The following PLSCR1 variants were observed in gnomAD, a reference collection of about 807,000 sequenced individuals.
PLSCR1 encodes phospholipid scramblase 1.
PLSCR1 carries 17 observed loss-of-function variants against 37.8 expected under a neutral mutation model. The observed-to-expected ratio is 0.45, with a 90% CI of 0.31 to 0.68. The LOEUF (loss-of-function observed/expected upper bound fraction) is 0.68, where lower values mean the gene tolerates loss of function less well. Among genes scored for constraint, PLSCR1 ranks in the 30% least tolerant of loss-of-function variants. The pLI is 0.06. For synonymous variants in PLSCR1, 116 were observed against 125.9 expected, an observed-to-expected ratio of 0.92 and a Z score of 0.53; for missense variants, 347 against 380.9, an observed-to-expected ratio of 0.91 and a Z score of 0.74.
rs79070150 is a variant in PLSCR1, at chr3:146,535,227, T to A, written c.13+1313A>T. Among the ~76,000 whole-genome samples, 1,031 of 152,000 alleles carry A rather than the reference T, an allele frequency of 6.8e-3. 9 individuals carry two copies. The highest frequency in any genetic ancestry group is 0.024 in the African/African-American group (980 of 41,490). ...TGTGATACCTCTTAATAAGCAACAT[T>A]GTTTGAATACTATAACATAGAACAC... On this transcript the variant is annotated intron_variant, in intron 2 of 8. Transcript: ENST00000342435.
chr3:146,521,838 G>C lies in PLSCR1; in HGVS notation c.571C>G (p.Gln191Glu). 6.2e-7 allele frequency: 1 copy of C among 1,611,304 alleles called. No homozygotes were observed. ...CSSCCCPCCL[Q>E]EIEIQAPPGV... is the part of the protein sequence containing the mutation. ...CCTGGTAATTGATCACAGACCTCCTGAAGGCAGCAGGGACAACAACAGCTG... is the reference window on the plus strand; with the variant it reads ...CCTGGTAATTGATCACAGACCTCCTCAAGGCAGCAGGGACAACAACAGCTG... Residue 191 changes from glutamine to glutamate, a missense_variant, in exon 6 of 9, where the codon CAG (glutamine) becomes GAG (glutamate). Coordinates refer to ENST00000342435, the MANE Select transcript of PLSCR1 (RefSeq NM_021105.3).
At chr3:146,528,564 C>A in intron 4 of PLSCR1, 50 bp downstream of exon 4, 1 of 1,442,418 alleles carries the variant, frequency 6.9e-7, no homozygotes, top group Non-Finnish European at 9.8e-7. Flanking sequence ...GTTAAGCAAG[C>A]TGGAAGCACA....
chr3:146,533,485 G>T lies in PLSCR1; in HGVS notation c.79C>A (p.Pro27Thr). Residue 27 changes from proline (P) to threonine (T), a missense_variant, in exon 3 of 9, where the codon CCG becomes ACG. Physicochemically the swap from Pro to Thr is conservative, Grantham distance 38. Coordinates refer to ENST00000342435, the MANE Select transcript of PLSCR1 (RefSeq NM_021105.3). ...ACTGCTTTACCTTGGAATGCTGTCGGTGGATACTGAGGAGGATACCCAACT... is the reference window on the plus strand; with the variant it reads ...ACTGCTTTACCTTGGAATGCTGTCGTTGGATACTGAGGAGGATACCCAACT... ...LPVGYPPQYPPTAFQGPPGYS... is the reference protein window; with the variant it reads ...LPVGYPPQYPTTAFQGPPGYS... The T allele has an allele frequency of 6.3e-7, 1 of 1,597,574 alleles. No individual in the cohort carries two copies. The highest frequency in any genetic ancestry group is 8.6e-7 in the Non-Finnish European group (1 of 1,167,498).
chr3:146,539,658 C>T (rs1456499792), intron 1 of PLSCR1, among the ~76,000 whole-genome samples: 1 of 152,180 alleles, frequency 6.6e-6, no homozygotes, highest in Non-Finnish European at 1.5e-5. Context: ...CATATTTGCT[C>T]TTTTTCTTCC....
intron 3 of PLSCR1, among the ~76,000 whole-genome samples, chr3:146,529,670 G>A (rs534777135): frequency 9.2e-5 from 14 of 151,920 alleles, no homozygotes; most frequent in African/African-American, 2.7e-4. Context: ...CCACCACCAC[G>A]CCCAGCTAAT....
At chr3:146,544,032 C>T (rs2044371756) in intron 1 of PLSCR1, among the ~76,000 whole-genome samples, 1 of 152,152 alleles carries the variant, frequency 6.6e-6, no homozygotes, top group Non-Finnish European at 1.5e-5. Flanking sequence ...GCTGTATTAA[C>T]CATTCCTTCT....
chr3:146,533,162 A>G (rs1007731380), intron 3 of PLSCR1, among the ~76,000 whole-genome samples: 1 of 152,190 alleles, frequency 6.6e-6, no homozygotes, highest in Non-Finnish European at 1.5e-5. Flanking sequence ...TAACATTTGT[A>G]TTTTAGGATG....
chr3:146,541,485 T>G (rs2044337757), intron 1 of PLSCR1, among the ~76,000 whole-genome samples: 1 of 152,184 alleles, frequency 6.6e-6, no homozygotes, highest in South Asian at 2.1e-4. Flanking sequence ...GAAATAAAAG[T>G]GATTTTAATA....
chr3:146,530,091 A>G (rs867272027), intron 3 of PLSCR1, among the ~76,000 whole-genome samples: 2 of 152,230 alleles, frequency 1.3e-5, no homozygotes, highest in African/African-American at 2.4e-5. Context: ...TGTGATTACA[A>G]TGAAGATTTA....
intron 1 of PLSCR1, among the ~76,000 whole-genome samples, chr3:146,537,768 G>A (rs535584921): frequency 3.9e-5 from 6 of 152,266 alleles, no homozygotes; most frequent in African/African-American, 1.4e-4. Context: ...TACTCGGGAG[G>A]TTGAGGTGGG....
chr3:146,517,084 A>C lies in PLSCR1; in HGVS notation c.822T>G (p.Ala274=). Residue 274 remains alanine, a synonymous_variant, in exon 8 of 9, where the codon GCT becomes GCG. Coordinates refer to ENST00000342435, the MANE Select transcript of PLSCR1 (RefSeq NM_021105.3). ...TGILREAFTD[A]DNFGIQFPLD... ...AAGGGAACTGGATTCCAAAGTTATC[A>C]GCGTCTGTAAATGCCTCTCTCAAAA... is the stretch of plus-strand genomic sequence containing the variant. The C allele has an allele frequency of 6.2e-7, 1 of 1,603,792 alleles. No individual in the cohort carries two copies. The highest frequency in any genetic ancestry group is 8.5e-7 in the Non-Finnish European group (1 of 1,173,604).
chr3:146,516,760 C>T, intron 8 of PLSCR1: 1 of 313,016 alleles, frequency 3.2e-6, no homozygotes, highest in South Asian at 6.8e-5. Context: ...AAAATCTCTC[C>T]TTAGTACATC....
At chr3:146,540,778 C>T (rs1232807991) in intron 1 of PLSCR1, 1 of 152,108 alleles carries the variant, frequency 6.6e-6, no homozygotes, top group East Asian at 1.9e-4. Context: ...TTCTAGGTCC[C>T]TAACTTCCTC....
Position 146,515,892 on chromosome 3 carries a change from A to G in PLSCR1, c.*153T>C. 1 of 473,564 alleles carries G rather than the reference A, an allele frequency of 2.1e-6. No homozygotes were observed. The highest frequency in any genetic ancestry group is 3.5e-5 in the East Asian group (1 of 28,922). 29.3% of individuals were successfully genotyped at this position (473,564 alleles called of 1,614,324 possible). A position where few individuals can be genotyped will look rare whatever the true frequency, so the allele number is the denominator to read the frequency against. On this transcript the variant is annotated 3_prime_UTR_variant, in exon 9 of 9. Transcript: ENST00000342435. ...TAAAAAATGTACAAAAACCTTTATA[A>G]ATCAGTTATACAGAAGATAAACTAT... is the stretch of plus-strand genomic sequence containing the variant.
chr3:146,525,427 A>C lies in PLSCR1; in HGVS notation c.355+178T>G, dbSNP rs191630164. The C allele has an allele frequency of 8.1e-5, 44 of 544,698 alleles. No homozygotes were observed. In the East Asian group the frequency reaches 1.6e-3, roughly 19 times the overall value. 33.7% of individuals were successfully genotyped at this position (544,698 alleles called of 1,614,324 possible). A position where few individuals can be genotyped will look rare whatever the true frequency, so the allele number is the denominator to read the frequency against. On this transcript the variant is annotated intron_variant, in intron 5 of 8. Coordinates refer to ENST00000342435, the MANE Select transcript of PLSCR1 (RefSeq NM_021105.3). The stretch of plus-strand genomic sequence containing the variant: ...GAGGGCAGGTGCCCAACATAACAGC[A>C]TTTTACCTTTTGATTCCTAAATTTT...
intron 4 of PLSCR1, among the ~76,000 whole-genome samples, chr3:146,527,126 G>A (rs528268449): frequency 1.3e-5 from 2 of 152,064 alleles, no homozygotes; most frequent in East Asian, 1.9e-4. Context: ...GACAGGATGA[G>A]ACTCCATCTA....
intron 1 of PLSCR1, 60 bp from the exon 2 acceptor site, chr3:146,536,625 G>A: frequency 3.2e-6 from 3 of 949,800 alleles, no homozygotes; most frequent in Non-Finnish European, 5.1e-6. Context: ...AAATATAACA[G>A]TTGAATCGGG....
At chr3:146,530,526 T>C (rs1560086893) in intron 3 of PLSCR1, among the ~76,000 whole-genome samples, 1 of 152,170 alleles carries the variant, frequency 6.6e-6, no homozygotes, top group Non-Finnish European at 1.5e-5. Flanking sequence ...AGAGAATGTA[T>C]GCGAGCGAGG....
intron 4 of PLSCR1, 76 bp downstream of exon 4, chr3:146,528,538 T>G (rs769712107): frequency 8.8e-7 from 1 of 1,138,400 alleles, no homozygotes; most frequent in Non-Finnish European, 1.3e-6. Flanking sequence ...TGGTGAATTA[T>G]TCATTTGCTA....
Sources: gnomAD v4.1 joint callset for allele counts (sites outside exome capture counted in the v4.1 genomes callset) on GRCh38, gnomAD v4.1.1 for gene constraint, MANE v1.5 for transcripts, NCBI Gene and HGNC (gene_info 2026-07-23, HGNC 2026-07-21) for gene names.